The following PSD3 variants were observed in gnomAD, a reference collection of about 807,000 sequenced individuals.
The protein encoded by PSD3 is PH and SEC7 domain-containing protein 3.
Under a neutral mutation model 105.5 loss-of-function variants are expected in PSD3, and 49 were observed. The observed-to-expected ratio is 0.46, with a 90% CI of 0.37 to 0.59. The LOEUF is 0.59. Ranked by LOEUF, PSD3 falls within the 20% of genes least tolerant of loss-of-function variation. PSD3 has a pLI of 0.00. For synonymous variants in PSD3, 557 were observed against 457.8 expected (o/e 1.22, Z -2.77); for missense variants, 1,561 against 1,263.8 (o/e 1.24, Z -3.57).
At chr8:18,808,790 A>G (rs1011729557) in intron 4 of PSD3, 3 of 1,614,052 alleles carry the variant, frequency 1.9e-6, no homozygotes, top group Admixed American at 1.7e-5. Flanking sequence ...AGCCCATCGC[A>G]ACCCCTGGGG....
intron 4 of PSD3, among the ~76,000 whole-genome samples, chr8:18,853,656 T>A (rs1420429636): frequency 1.3e-5 from 2 of 152,216 alleles, no homozygotes; most frequent in Non-Finnish European, 2.9e-5. Flanking sequence ...CACAGCCAAC[T>A]TTCCCTTCAG....
intron 1 of PSD3, among the ~76,000 whole-genome samples, chr8:18,992,309 TAA>T (rs11346186): frequency 3.8e-5 from 5 of 133,186 alleles, no homozygotes; most frequent in Admixed American, 8.5e-5. Flanking sequence ...TAGTGATACT[TAA>T]AAAAAAAAAA....
At chr8:18,657,610 T>C (rs549181313) in intron 9 of PSD3, among the ~76,000 whole-genome samples, 10 of 152,204 alleles carry the variant, frequency 6.6e-5, no homozygotes, top group Non-Finnish European at 7.3e-5. Flanking sequence ...ATCCAATCTA[T>C]GATATAGTTA....
intron 8 of PSD3, among the ~76,000 whole-genome samples, chr8:18,793,853 G>A (rs192602589): frequency 6.6e-6 from 1 of 152,206 alleles, no homozygotes; most frequent in Non-Finnish European, 1.5e-5. Context: ...CAGATGCAGA[G>A]AGTTCTTGAG....
rs368611685 is a variant in PSD3 at position 18,663,680 on chromosome 8, A to G, written c.2173-7995T>C. ...AAAGTGTCTTAACTATGCTAGTATG[A>G]ATAACACTATTCTAAATGTAAACAA... On this transcript the variant is annotated intron_variant, in intron 9 of 15. Coordinates refer to ENST00000327040, the MANE Select transcript of PSD3 (RefSeq NM_015310.4). Among the ~76,000 whole-genome samples the G allele has an allele frequency of 1.7e-3, 264 of 152,332 alleles. 7 individuals are homozygous for G. The South Asian group carries it at 0.052, about 30-fold the overall frequency.
chr8:18,554,996 C>T (rs945259674), intron 15 of PSD3, among the ~76,000 whole-genome samples: 3 of 151,952 alleles, frequency 2.0e-5, no homozygotes, highest in Non-Finnish European at 2.9e-5. Context: ...GAAAGACGGA[C>T]GTTGTGGAAA....
intron 11 of PSD3, among the ~76,000 whole-genome samples, chr8:18,604,298 A>T (rs1256645095): frequency 1.3e-5 from 2 of 152,196 alleles, no homozygotes; most frequent in Non-Finnish European, 2.9e-5. Flanking sequence ...GCCTTACCAA[A>T]GAACATGGCT....
chr8:18,691,245 C>G (rs142699425), intron 9 of PSD3, among the ~76,000 whole-genome samples: 1 of 152,300 alleles, frequency 6.6e-6, no homozygotes, highest in East Asian at 1.9e-4. Context: ...TGGAAAAAAA[C>G]CTCATTTTTT....
intron 9 of PSD3, among the ~76,000 whole-genome samples, chr8:18,758,070 C>G (rs764576263): frequency 1.3e-5 from 2 of 151,912 alleles, no homozygotes; most frequent in Admixed American, 6.6e-5. Context: ...AAGAAAAGAA[C>G]AGAGTCCTTG....
chr8:18,572,606 T>C lies in PSD3; in HGVS notation c.2706A>G (p.Pro902=). The C allele has an allele frequency of 6.2e-7, 1 of 1,614,076 alleles. No homozygotes were observed. Among genetic ancestry groups the C allele is most frequent in the Non-Finnish European group, 8.5e-7 (1 of 1,179,962 alleles). The change falls in exon 14 of 16, where the codon CCA becomes CCG. Residue 902 remains proline, a synonymous_variant. Coordinates refer to ENST00000327040, the MANE Select transcript of PSD3 (RefSeq NM_015310.4). ...INCVAAVFSA[P]PFPAAIGSQK... Reference sequence around the variant, plus strand: ...GAGAGCCGATTGCTGCTGGAAATGGTGGTGCAGAAAATACAGCTGCCACAC... The same window carrying C: ...GAGAGCCGATTGCTGCTGGAAATGGCGGTGCAGAAAATACAGCTGCCACAC...
chr8:19,076,506 C>G (rs1563547768), intron 1 of PSD3, among the ~76,000 whole-genome samples: 1 of 151,968 alleles, frequency 6.6e-6, no homozygotes, highest in Non-Finnish European at 1.5e-5. Flanking sequence ...AATATAAGGG[C>G]AAATAGTCTG....
chr8:18,672,252 A>G (rs1386052962), intron 9 of PSD3, among the ~76,000 whole-genome samples: 1 of 152,186 alleles, frequency 6.6e-6, no homozygotes, highest in Admixed American at 6.5e-5. Context: ...AATTATATTT[A>G]ATAACTATGG....
intron 9 of PSD3, chr8:18,684,204 CCACACACACACACACACA>C (rs67855105): frequency 6.3e-4 from 124 of 195,660 alleles, no homozygotes; most frequent in African/African-American, 1.9e-3. Context: ...TCTCTCTTTT[CCACACACACACACACACA>C]CACACACACA....
intron 8 of PSD3, among the ~76,000 whole-genome samples, chr8:18,767,641 G>C (rs969646741): frequency 6.6e-6 from 1 of 152,248 alleles, no homozygotes; most frequent in Non-Finnish European, 1.5e-5. Flanking sequence ...CAGCTACTTG[G>C]GAGGCTGAGG....
chr8:18,827,272 A>T (rs1485435710), intron 4 of PSD3, among the ~76,000 whole-genome samples: 2 of 152,208 alleles, frequency 1.3e-5, no homozygotes, highest in African/African-American at 4.8e-5. Context: ...CACAACCCTG[A>T]ACCAAAATGT....
intron 11 of PSD3, among the ~76,000 whole-genome samples, chr8:18,618,296 T>A (rs1327982672): frequency 1.3e-5 from 2 of 149,490 alleles, no homozygotes; most frequent in African/African-American, 2.4e-5. Context: ...TGTCTTTGCC[T>A]ATAACTTTGG....
chr8:18,625,713 A>C (rs1806426723), intron 11 of PSD3, among the ~76,000 whole-genome samples: 1 of 152,206 alleles, frequency 6.6e-6, no homozygotes, highest in Admixed American at 6.6e-5. Context: ...TTGTTCCACC[A>C]GATACACTGC....
At chr8:18,855,003 T>C (rs748208) in intron 4 of PSD3, among the ~76,000 whole-genome samples, 115,060 of 152,000 alleles carry the variant, frequency 0.76, 44,149 homozygotes, top group East Asian at 0.94. Context: ...ACAGCAGGAG[T>C]TGAGATCCAC....
intron 1 of PSD3, among the ~76,000 whole-genome samples, chr8:19,076,975 C>T (rs1586700124): frequency 1.3e-5 from 2 of 152,134 alleles, no homozygotes; most frequent in Non-Finnish European, 2.9e-5. Context: ...TTGACCTTGA[C>T]TTTTATTTAT....
Sources: allele counts gnomAD v4.1 joint callset (sites outside exome capture counted in the v4.1 genomes callset), GRCh38; gene constraint gnomAD v4.1.1; transcripts MANE v1.5; gene names NCBI Gene and HGNC (gene_info 2026-07-23, HGNC 2026-07-21).